Variants in NPS observed in about 807,000 individuals in gnomAD.
The protein encoded by NPS is prepro-neuropeptide S.
A neutral mutation model predicts 7.2 loss-of-function variants in NPS; 6 were observed. The observed-to-expected ratio is 0.83, with a 90% CI of 0.46 to 1.64. The LOEUF is 1.64. Among genes scored for constraint, NPS ranks in the 40% most tolerant of loss-of-function variants. The probability of loss-of-function intolerance (pLI) is 0.01; values close to 1 mark genes in which losing one functional copy is unlikely to be tolerated. For missense variants in NPS, 123 were observed against 97.8 expected (o/e 1.26, Z -1.09); for synonymous variants, 42 against 36.7 (o/e 1.14, Z -0.52).
At chr10:127,550,027 T>G (rs1374043011) in intron 2 of NPS, among the ~76,000 whole-genome samples, 1 of 152,200 alleles carries the variant, frequency 6.6e-6, no homozygotes, top group Admixed American at 6.5e-5. Flanking sequence ...CATATATTTA[T>G]TAGAGAATAT....
rs1319422629 is a variant in NPS at position 127,549,478 on chromosome 10, C to A, written c.9-11C>A. The A allele has an allele frequency of 1.2e-6, 2 of 1,604,774 alleles. No homozygotes were observed. The highest frequency in any genetic ancestry group is 8.5e-7 in the Non-Finnish European group (1 of 1,172,008). The stretch of plus-strand genomic sequence containing the variant: ...ACTAAATCTTGATTGTACTTTTTTT[C>A]TACTTTGCAGCTCAGTAAAACTCAA... On this transcript the variant is annotated splice_polypyrimidine_tract_variant and intron_variant, in intron 1 of 2. Transcript: ENST00000398023.
intron 2 of NPS, among the ~76,000 whole-genome samples, chr10:127,551,939 C>G (rs891783324): frequency 6.6e-6 from 1 of 152,212 alleles, no homozygotes; most frequent in African/African-American, 2.4e-5. Flanking sequence ...ACCCTACACT[C>G]TCCTACATTA....
In NPS at chr10:127,552,490, C is replaced by T. The variant is rs780280118; in HGVS notation, c.121C>T (p.Leu41=). The T allele has an allele frequency of 5.6e-6, 9 of 1,611,476 alleles. No individual in the cohort carries two copies. The East Asian group carries it at 2.0e-4, about 36-fold the overall frequency. The change falls in exon 3 of 3, where the codon CTG becomes TTG. Residue 41 remains leucine, a synonymous_variant. Coordinates refer to ENST00000398023, the MANE Select transcript of NPS (RefSeq NM_001030013.2). ...VSGKSDYFLI[L]LNSCPTRLDR... ...TGGAAAATCTGATTACTTTCTCATT[C>T]TGCTGAACAGCTGCCCAACCAGATT... is the stretch of plus-strand genomic sequence containing the variant.
intron 1 of NPS, 43 bp downstream of exon 1, chr10:127,549,419 C>T: frequency 6.3e-7 from 1 of 1,597,706 alleles, no homozygotes. Flanking sequence ...GTTGCATTTT[C>T]ATATGCTGTT....
rs193189488 is a variant in NPS at position 127,550,349 on chromosome 10, A to T, written c.90+779A>T. Among the ~76,000 whole-genome samples the T allele has an allele frequency of 3.3e-3, 500 of 152,178 alleles. 1 individual carries two copies. Among genetic ancestry groups the T allele is most frequent in the Non-Finnish European group, 4.3e-3 (293 of 67,982 alleles). On this transcript the variant is annotated intron_variant, in intron 2 of 2. Coordinates refer to ENST00000398023, the MANE Select transcript of NPS (RefSeq NM_001030013.2). ...ACATAATGATCTAGTTATTTATATT[A>T]TTGGCCTTTTCACTAATCTTTGCAT... is the stretch of plus-strand genomic sequence containing the variant.
At position 127,552,156 on chromosome 10, in the gene NPS, T is replaced by C. The variant is rs187793241; in HGVS notation, c.91-304T>C. Among the ~76,000 whole-genome samples the C allele has an allele frequency of 1.1e-4, 16 of 152,336 alleles. No individual in the cohort carries two copies. In the East Asian group the frequency reaches 3.1e-3, roughly 29 times the overall value. On this transcript the variant is annotated intron_variant, in intron 2 of 2. Transcript: ENST00000398023. ...TTCAAAAACAATTCCCAGGGCTAAT[T>C]AGTGCTGCTTGAAATATTCTTTTTA...
rs1366980301 is a variant in NPS at position 127,552,950 on chromosome 10, A to G, written c.*311A>G. Among the ~76,000 whole-genome samples the G allele has an allele frequency of 6.6e-6, 1 of 151,520 alleles. No individual in the cohort carries two copies. The highest frequency in any genetic ancestry group is 2.5e-5 in the African/African-American group (1 of 40,794). ...AGAAAGCATGAGCATGTTGACAGTC[A>G]TCACGATAGTATGATTTTTTTTTTC... On this transcript the variant is annotated 3_prime_UTR_variant, in exon 3 of 3. Coordinates refer to ENST00000398023, the MANE Select transcript of NPS (RefSeq NM_001030013.2).
At chr10:127,550,480 T>C (rs1449703933) in intron 2 of NPS, among the ~76,000 whole-genome samples, 2 of 152,190 alleles carry the variant, frequency 1.3e-5, no homozygotes, top group African/African-American at 4.8e-5. Context: ...AGACACCACA[T>C]TGATCAAGCT....
Position 127,549,516 on chromosome 10 carries a change from T to C in NPS, c.36T>C (p.Val12=). 1.2e-6 allele frequency: 2 copies of C among 1,612,940 alleles called. No individual in the cohort carries two copies. Among genetic ancestry groups the C allele is most frequent in the Non-Finnish European group, 1.7e-6 (2 of 1,178,928 alleles). The change falls in exon 2 of 3, where the codon GTT becomes GTC. Residue 12 remains valine (V), a synonymous_variant. Transcript: ENST00000398023. ...ISSVKLNLIL[V]LSLSTMHVFW... is the part of the protein sequence containing the mutation. ...CAGTAAAACTCAATCTCATCCTAGTTCTGTCGCTGTCCACAATGCATGTGT... is the reference window on the plus strand; with the variant it reads ...CAGTAAAACTCAATCTCATCCTAGTCCTGTCGCTGTCCACAATGCATGTGT...
In NPS at chr10:127,553,456, C is replaced by A. The variant is rs1448548694; in HGVS notation, c.*817C>A. 6.6e-6 allele frequency among the ~76,000 whole-genome samples: 1 copy of A among 152,146 alleles called. No individual in the cohort carries two copies. Among genetic ancestry groups the A allele is most frequent in the Non-Finnish European group, 1.5e-5 (1 of 68,022 alleles). On this transcript the variant is annotated 3_prime_UTR_variant, in exon 3 of 3. Coordinates refer to ENST00000398023, the MANE Select transcript of NPS (RefSeq NM_001030013.2). Reference sequence around the variant, plus strand: ...ACTGCCCACTCTTTGCACTGAAACTCCTGACACTCCTTTTTTAAAAGGATA... The same window carrying A: ...ACTGCCCACTCTTTGCACTGAAACTACTGACACTCCTTTTTTAAAAGGATA...
intron 2 of NPS, 26 bp downstream of exon 2, chr10:127,549,596 A>G: frequency 8.1e-7 from 1 of 1,228,816 alleles, no homozygotes. Flanking sequence ...CGTTGTGGAT[A>G]TTTAAATAGA....
intron 1 of NPS, 52 bp downstream of exon 1, chr10:127,549,428 T>C: frequency 6.3e-7 from 1 of 1,592,822 alleles, no homozygotes; most frequent in Non-Finnish European, 8.6e-7. Context: ...TCATATGCTG[T>C]TTTACTTATT....
chr10:127,553,448 C>T lies in NPS; in HGVS notation c.*809C>T, dbSNP rs985245. 0.37 allele frequency among the ~76,000 whole-genome samples: 56,000 copies of T among 151,980 alleles called. 11,759 individuals are homozygous for T. The highest frequency in any genetic ancestry group is 0.58 in the African/African-American group (24,074 of 41,436). On this transcript the variant is annotated 3_prime_UTR_variant, in exon 3 of 3. Coordinates refer to ENST00000398023, the MANE Select transcript of NPS (RefSeq NM_001030013.2). Reference sequence around the variant, plus strand: ...CAGGAAAGACTGCCCACTCTTTGCACTGAAACTCCTGACACTCCTTTTTTA... The same window carrying T: ...CAGGAAAGACTGCCCACTCTTTGCATTGAAACTCCTGACACTCCTTTTTTA...
In NPS at chr10:127,553,343, CCT is replaced by C. The variant is rs1844876176; in HGVS notation, c.*705_*706del. Among the ~76,000 whole-genome samples the C allele has an allele frequency of 6.6e-6, 1 of 152,032 alleles. No individual in the cohort carries two copies. Among genetic ancestry groups the C allele is most frequent in the Non-Finnish European group, 1.5e-5 (1 of 68,006 alleles). On this transcript the variant is annotated 3_prime_UTR_variant, in exon 3 of 3. Transcript: ENST00000398023. ...ACAACAACAGAGAGACTGAGAGTGC[CCT>C]GTGTTGTCAGGGCAGCCATTTGGAA... is the stretch of plus-strand genomic sequence containing the variant.
rs1354591455 is a variant in NPS at position 127,552,843 on chromosome 10, G to A, written c.*204G>A. Among the ~76,000 whole-genome samples, 2 of 152,112 alleles carry A rather than the reference G, an allele frequency of 1.3e-5. No homozygotes were observed. The highest frequency in any genetic ancestry group is 4.8e-5 in the African/African-American group (2 of 41,416). On this transcript the variant is annotated 3_prime_UTR_variant, in exon 3 of 3. Transcript: ENST00000398023. ...AAACCTGTCTCAAACTTCCACTTGT[G>A]AGAGAAAAAACAATTTATGTGGTCC...
rs746381798 is a variant in NPS at position 127,549,470 on chromosome 10, CT to C, written c.9-12del. 3.1e-6 allele frequency: 5 copies of C among 1,598,854 alleles called. No individual in the cohort carries two copies. The highest frequency in any genetic ancestry group is 4.3e-6 in the Non-Finnish European group (5 of 1,166,348). ...TACTTGAGACTAAATCTTGATTGTA[CT>C]TTTTTTCTACTTTGCAGCTCAGTAA... is the stretch of plus-strand genomic sequence containing the variant. On this transcript the variant is annotated intron_variant, in intron 1 of 2. Transcript: ENST00000398023.
At position 127,549,363 on chromosome 10, in the gene NPS, T is replaced by C. The variant is rs1438424671; in HGVS notation, c.-6T>C. On this transcript the variant is annotated 5_prime_UTR_variant, in exon 1 of 3. Transcript: ENST00000398023. ...ACCTATCTTTACAGATTTTGGGAAG[T>C]CCAAAATGATTAGGTAAAAGGCTAC... 6.2e-7 allele frequency: 1 copy of C among 1,607,512 alleles called. No individual in the cohort carries two copies.
At position 127,552,353 on chromosome 10, in the gene NPS, T is replaced by A; in HGVS notation, c.91-107T>A. 3.0e-6 allele frequency: 2 copies of A among 674,950 alleles called. 1 individual carries two copies. The highest frequency in any genetic ancestry group is 3.9e-5 in the South Asian group (2 of 51,772). 41.8% of individuals were successfully genotyped at this position (674,950 alleles called of 1,614,324 possible). On this transcript the variant is annotated intron_variant, in intron 2 of 2. Coordinates refer to ENST00000398023, the MANE Select transcript of NPS (RefSeq NM_001030013.2). ...GCAAAACTTCTGCCTTTAAGATGATTGATATATTGGATTTATCGCCATACG... is the reference window on the plus strand; with the variant it reads ...GCAAAACTTCTGCCTTTAAGATGATAGATATATTGGATTTATCGCCATACG...
rs1290551803 is a variant in NPS, at chr10:127,553,343, C to T, written c.*704C>T. Among the ~76,000 whole-genome samples, 1 of 152,032 alleles carries T rather than the reference C, an allele frequency of 6.6e-6. No homozygotes were observed. The highest frequency in any genetic ancestry group is 1.5e-5 in the Non-Finnish European group (1 of 68,006). ...ACAACAACAGAGAGACTGAGAGTGC[C>T]CTGTGTTGTCAGGGCAGCCATTTGG... On this transcript the variant is annotated 3_prime_UTR_variant, in exon 3 of 3. Transcript: ENST00000398023.
Sources: gnomAD v4.1 joint callset for allele counts (sites outside exome capture counted in the v4.1 genomes callset) on GRCh38, gnomAD v4.1.1 for gene constraint, MANE v1.5 for transcripts, NCBI Gene and HGNC (gene_info 2026-07-23, HGNC 2026-07-21) for gene names.